RASGRP3: variants seen among roughly 807,000 people sequenced by gnomAD.
RASGRP3 encodes ras guanyl-releasing protein 3.
A neutral mutation model predicts 82.7 loss-of-function variants in RASGRP3; 54 were observed. That is an observed-to-expected ratio of 0.65 (90% CI 0.52 to 0.82). The LOEUF (loss-of-function observed/expected upper bound fraction) is 0.82. RASGRP3 is among the 40% of genes least tolerant of loss of function. The pLI, the probability that RASGRP3 is intolerant of heterozygous loss-of-function variation, is 0.00. For synonymous variants in RASGRP3, 309 were observed against 300.5 expected (o/e 1.03, Z -0.29); for missense variants, 861 against 828.9 (o/e 1.04, Z -0.48).
chr2:33,452,213 A>T (rs1468171923), intron 2 of RASGRP3, among the ~76,000 whole-genome samples: 1 of 152,216 alleles, frequency 6.6e-6, no homozygotes, highest in Admixed American at 6.5e-5. Context: ...TCTGACAGGC[A>T]GTTCATAGAT....
intron 2 of RASGRP3, among the ~76,000 whole-genome samples, chr2:33,452,224 C>A: frequency 6.6e-6 from 1 of 152,286 alleles, no homozygotes; most frequent in East Asian, 1.9e-4. Flanking sequence ...GTTCATAGAT[C>A]TCCATTTATT....
intron 1 of RASGRP3, among the ~76,000 whole-genome samples, chr2:33,483,348 A>G (rs1041614262): frequency 6.6e-6 from 1 of 152,206 alleles, no homozygotes; most frequent in African/African-American, 2.4e-5. Context: ...TTGATTTGCT[A>G]AAGTATTATA....
intron 1 of RASGRP3, among the ~76,000 whole-genome samples, chr2:33,504,632 C>T (rs572213316): frequency 2.6e-5 from 4 of 152,256 alleles, no homozygotes; most frequent in African/African-American, 7.2e-5. Flanking sequence ...TTGTTTTTAG[C>T]GACAGTCAGC....
intron 1 of RASGRP3, among the ~76,000 whole-genome samples, chr2:33,490,301 C>G (rs1018519764): frequency 6.6e-6 from 1 of 152,210 alleles, no homozygotes; most frequent in Admixed American, 6.5e-5. Context: ...TCTAAACAAA[C>G]TTGTTGAGCT....
chr2:33,441,599 G>C (rs952548061), intron 1 of RASGRP3, among the ~76,000 whole-genome samples: 1 of 152,184 alleles, frequency 6.6e-6, no homozygotes, highest in Non-Finnish European at 1.5e-5. Context: ...GGCCTGAAAG[G>C]CATTTTGAAT....
intron 2 of RASGRP3, among the ~76,000 whole-genome samples, chr2:33,455,319 T>C (rs929734283): frequency 6.6e-6 from 1 of 152,244 alleles, no homozygotes; most frequent in African/African-American, 2.4e-5. Context: ...CTCATAGTAG[T>C]AATGTTCTGG....
At chr2:33,475,700 A>C (rs1486548811), upstream of RASGRP3, among the ~76,000 whole-genome samples, 3 of 152,178 alleles carry the variant, frequency 2.0e-5, no homozygotes, top group East Asian at 5.8e-4. Context: ...TTTCCTTGGA[A>C]GGGAGGATGA....
intron 4 of RASGRP3, among the ~76,000 whole-genome samples, chr2:33,517,954 C>T (rs1253359117): frequency 6.6e-6 from 1 of 152,122 alleles, no homozygotes; most frequent in African/African-American, 2.4e-5. Context: ...CTGGCATATA[C>T]ACAAGCTCAA....
At chr2:33,539,416 T>C (rs1242612140) in intron 12 of RASGRP3, 4 of 491,966 alleles carry the variant, frequency 8.1e-6, no homozygotes, top group Non-Finnish European at 1.5e-5. Flanking sequence ...TTGTCTCTCT[T>C]GCCCAGATAC....
intron 1 of RASGRP3, among the ~76,000 whole-genome samples, chr2:33,484,480 T>C (rs1668191846): frequency 2.0e-5 from 3 of 152,212 alleles, no homozygotes; most frequent in South Asian, 2.1e-4. Flanking sequence ...ATTCCACTTA[T>C]GCATGGAATG....
At chr2:33,503,249 G>A (rs1054780557) in intron 1 of RASGRP3, among the ~76,000 whole-genome samples, 1 of 152,038 alleles carries the variant, frequency 6.6e-6, no homozygotes, top group Non-Finnish European at 1.5e-5. Flanking sequence ...CAGAGTCGTA[G>A]TATTTATCTC....
intron 2 of RASGRP3, among the ~76,000 whole-genome samples, chr2:33,466,172 A>G (rs549207629): frequency 1.3e-5 from 2 of 152,342 alleles, no homozygotes; most frequent in African/African-American, 2.4e-5. Flanking sequence ...TTGTAAGGCT[A>G]TAGCTACCAT....
chr2:33,491,044 G>A (rs1435139828), intron 1 of RASGRP3, among the ~76,000 whole-genome samples: 1 of 152,160 alleles, frequency 6.6e-6, no homozygotes, highest in Non-Finnish European at 1.5e-5. Flanking sequence ...GAGCAGGCAC[G>A]GTGGTTCATG....
upstream of RASGRP3, among the ~76,000 whole-genome samples, chr2:33,474,140 G>T (rs1234293017): frequency 6.6e-6 from 1 of 152,024 alleles, no homozygotes; most frequent in Non-Finnish European, 1.5e-5. Flanking sequence ...TCCATGGCAT[G>T]GGGGCTGGGG....
At chr2:33,544,326 C>A (rs1674542425) in intron 13 of RASGRP3, among the ~76,000 whole-genome samples, 1 of 151,158 alleles carries the variant, frequency 6.6e-6, no homozygotes, top group Admixed American at 6.6e-5. Context: ...AAAAAAAAAA[C>A]TCACTTATAG....
intron 2 of RASGRP3, among the ~76,000 whole-genome samples, chr2:33,471,134 T>G (rs1667035927): frequency 6.6e-6 from 1 of 152,120 alleles, no homozygotes; most frequent in African/African-American, 2.4e-5. Flanking sequence ...TAATTTTGTT[T>G]TATTAATTAA....
intron 2 of RASGRP3, chr2:33,448,058 GTAAA>G (rs1665592880): frequency 6.6e-6 from 1 of 152,154 alleles, no homozygotes; most frequent in South Asian, 2.1e-4. Flanking sequence ...CAGAAACTTT[GTAAA>G]TTATGAAGTG....
chr2:33,530,416 C>T (rs917255057), intron 10 of RASGRP3, among the ~76,000 whole-genome samples: 4 of 151,528 alleles, frequency 2.6e-5, no homozygotes, highest in East Asian at 3.9e-4. Flanking sequence ...TTTTCACATA[C>T]GTTTCCTCAG....
chr2:33,453,640 C>T (rs769625661), intron 2 of RASGRP3, among the ~76,000 whole-genome samples: 4 of 152,122 alleles, frequency 2.6e-5, no homozygotes, highest in African/African-American at 4.8e-5. Flanking sequence ...GGAAGTCATA[C>T]GTCATCACTT....
Sources: allele counts gnomAD v4.1 joint callset (sites outside exome capture counted in the v4.1 genomes callset), GRCh38; gene constraint gnomAD v4.1.1; transcripts MANE v1.5; gene names NCBI Gene and HGNC (gene_info 2026-07-23, HGNC 2026-07-21).